AMPD2: variants seen among roughly 807,000 people sequenced by gnomAD.
AMPD2 encodes adenosine monophosphate deaminase 2.
In AMPD2, 52 loss-of-function variants were observed where a neutral mutation model predicts 91.3. The observed-to-expected ratio is 0.57, with a 90% CI of 0.46 to 0.72. The LOEUF is 0.72. Among genes scored for constraint, AMPD2 ranks in the 30% least tolerant of loss-of-function variants. The probability of loss-of-function intolerance (pLI) is 0.00; values close to 1 mark genes in which losing one functional copy is unlikely to be tolerated. For missense variants in AMPD2, 822 were observed against 1,122.3 expected (o/e 0.73, Z 3.82); for synonymous variants, 455 against 456.4 (o/e 1.00, Z 0.04).
Position 109,631,037 on chromosome 1 carries a change from A to G in AMPD2, c.2363A>G (p.Tyr788Cys). The change falls in exon 19 of 19, where the codon TAC (tyrosine) becomes TGC (cysteine). Residue 788 changes from tyrosine (Y) to cysteine (C), a missense_variant. This residue lies in a region of AMPD2 where 430 missense variants were observed against 606.0 expected (regional missense o/e 0.71). Coordinates refer to ENST00000528667, the MANE Select transcript of AMPD2 (RefSeq NM_001368809.2). ...AATGTGCCAGACATCCGCGTGGGCT[A>G]CCGCTACGAGACCCTGTGCCAGGAG... The part of the protein sequence containing the change: ...RTNVPDIRVG[Y>C]RYETLCQELA... 1 of 1,614,184 alleles carries G rather than the reference A, an allele frequency of 6.2e-7. No homozygotes were observed. Among genetic ancestry groups the G allele is most frequent in the Non-Finnish European group, 8.5e-7 (1 of 1,180,028 alleles).
chr1:109,628,973 C>G lies in AMPD2; in HGVS notation c.1572-136C>G. 5 of 1,445,666 alleles carry G rather than the reference C, an allele frequency of 3.5e-6. No individual in the cohort carries two copies. 89.6% of individuals were successfully genotyped at this position (1,445,666 alleles called of 1,614,324 possible). On this transcript the variant is annotated intron_variant, in intron 13 of 18. Transcript: ENST00000528667. This position sits in a 1 kb window ranked among gnomAD's most constrained non-coding sequence, Gnocchi z 7.1. ...CCATGGTCTGTCCAGCCTGGCCCAC[C>G]TGGGTATCCTTGCTTTCCCAATATG... is the stretch of plus-strand genomic sequence containing the variant.
Position 109,624,828 on chromosome 1 carries a change from C to T in AMPD2, c.92-475C>T, listed in dbSNP as rs543371439. 1.3e-5 allele frequency among the ~76,000 whole-genome samples: 2 copies of T among 152,212 alleles called. No individual in the cohort carries two copies. The highest frequency in any genetic ancestry group is 1.9e-4 in the East Asian group (1 of 5,162). Reference sequence around the variant, plus strand: ...AGTGGAGAATCTGCTAGTCCAGGGGCGGGTCTGATCCTGGGTTGCCTGCCC... The same window carrying T: ...AGTGGAGAATCTGCTAGTCCAGGGGTGGGTCTGATCCTGGGTTGCCTGCCC... On this transcript the variant is annotated intron_variant, in intron 2 of 18. Coordinates refer to ENST00000528667, the MANE Select transcript of AMPD2 (RefSeq NM_001368809.2). The surrounding 1 kb of genome is among the most constrained non-coding windows in gnomAD (Gnocchi z 5.2).
rs755818064 is a variant in AMPD2 at position 109,630,789 on chromosome 1, A to G, written c.2264A>G (p.His755Arg). The G allele has an allele frequency of 6.2e-7, 1 of 1,606,620 alleles. No individual in the cohort carries two copies. Residue 755 changes from histidine (H) to arginine (R), a missense_variant, in exon 18 of 19, where the codon CAC (histidine) becomes CGC (arginine). By Grantham distance (29) the His-to-Arg change is conservative. This residue lies in a region of AMPD2 where 430 missense variants were observed against 606.0 expected (regional missense o/e 0.71). Transcript: ENST00000528667. ...AGCGTGCTCATGAGCGGCTTCTCGC[A>G]CAAGGTACTACAGCGCCTGCCTGGA... ...RNSVLMSGFS[H>R]KVKSHWLGPN... is the part of the protein sequence containing the mutation.
chr1:109,631,560 GT>G lies in AMPD2; in HGVS notation c.*409del. 3.6e-6 allele frequency: 1 copy of G among 276,488 alleles called. No individual in the cohort carries two copies. The highest frequency in any genetic ancestry group is 7.1e-6 in the Non-Finnish European group (1 of 141,556). 17.1% of individuals were successfully genotyped at this position (276,488 alleles called of 1,614,324 possible). A position where few individuals can be genotyped will look rare whatever the true frequency, so the allele number is the denominator to read the frequency against. On this transcript the variant is annotated 3_prime_UTR_variant, in exon 19 of 19. Coordinates refer to ENST00000528667, the MANE Select transcript of AMPD2 (RefSeq NM_001368809.2). ...AAGTTTAGGCCCCTGTCTTGTTCATGTAGCCGAGGGGCAGGCGGGGGACCTC... is the reference window on the plus strand; with the variant it reads ...AAGTTTAGGCCCCTGTCTTGTTCATGAGCCGAGGGGCAGGCGGGGGACCTC...
rs751707359 is a variant in AMPD2 at position 109,630,355 on chromosome 1, C to G, written c.2106C>G (p.Gly702=). The part of the protein sequence containing the change: ...RNPLPEYLSR[G]LMVSLSTDDP... The stretch of plus-strand genomic sequence containing the variant: ...CGCTACCGGAGTACCTGTCCCGCGG[C>G]CTCATGGTCTCCCTGTCCACTGATG... Residue 702 remains glycine, a synonymous_variant, in exon 17 of 19, where the codon GGC becomes GGG. Coordinates refer to ENST00000528667, the MANE Select transcript of AMPD2 (RefSeq NM_001368809.2). The G allele has an allele frequency of 1.2e-6, 2 of 1,613,948 alleles. No homozygotes were observed. The highest frequency in any genetic ancestry group is 2.2e-5 in the South Asian group (2 of 91,074).
At chr1:109,630,449 C>T (rs763512928) in intron 17 of AMPD2, 43 bp downstream of exon 17, 14 of 796,488 alleles carry the variant, frequency 1.8e-5, no homozygotes, top group Non-Finnish European at 2.4e-5. Context: ...CGTCCCAGGA[C>T]GCTGGGGTCT....
intron 2 of AMPD2, 164 bp downstream of exon 2, chr1:109,621,430 G>GT: frequency 3.0e-6 from 2 of 661,944 alleles, no homozygotes; most frequent in Non-Finnish European, 5.4e-6. Flanking sequence ...AAGGTGGGGT[G>GT]AGGGGTGGTG....
chr1:109,623,765 G>GCCTGC (rs1650433291), intron 2 of AMPD2: 1 of 152,756 alleles, frequency 6.5e-6, no homozygotes, highest in Non-Finnish European at 1.5e-5. Context: ...CTCCCTGTCG[G>GCCTGC]CCTGCCCTGC....
At chr1:109,630,188 C>G (rs1308677347) in intron 16 of AMPD2, 45 bp from the exon 17 acceptor site, 1 of 1,602,576 alleles carries the variant, frequency 6.2e-7, no homozygotes, top group Non-Finnish European at 8.5e-7. Context: ...CCCTGCCCAG[C>G]CTCGGGGCCA....
chr1:109,625,539 T>G lies in AMPD2; in HGVS notation c.222+106T>G. 1 of 1,595,704 alleles carries G rather than the reference T, an allele frequency of 6.3e-7. No individual in the cohort carries two copies. Among genetic ancestry groups the G allele is most frequent in the Non-Finnish European group, 8.6e-7 (1 of 1,168,092 alleles). On this transcript the variant is annotated intron_variant, in intron 3 of 18. Coordinates refer to ENST00000528667, the MANE Select transcript of AMPD2 (RefSeq NM_001368809.2). The surrounding 1 kb of genome is among the most constrained non-coding windows in gnomAD (Gnocchi z 4.0). ...TCCCCTCACCTCACGCTTGGCTGTCTCCTGATCCTCAGCCTCTCCCAGGTA... is the reference window on the plus strand; with the variant it reads ...TCCCCTCACCTCACGCTTGGCTGTCGCCTGATCCTCAGCCTCTCCCAGGTA...
rs1423260274 is a variant in AMPD2, at chr1:109,626,862, C to T, written c.668C>T (p.Pro223Leu). 1 of 1,613,944 alleles carries T rather than the reference C, an allele frequency of 6.2e-7. No individual in the cohort carries two copies. Among genetic ancestry groups the T allele is most frequent in the Non-Finnish European group, 8.5e-7 (1 of 1,179,916 alleles). ...TACCTGCAGCAGCTGGCTGAAAAGCCTCTGGAGACCCGGACCTATGAACAG... is the reference window on the plus strand; with the variant it reads ...TACCTGCAGCAGCTGGCTGAAAAGCTTCTGGAGACCCGGACCTATGAACAG... ...RRYLQQLAEK[P>L]LETRTYEQGP... is the part of the protein sequence containing the mutation. The change falls in exon 7 of 19, where the codon CCT (proline) becomes CTT (leucine). Residue 223 changes from proline (P) to leucine (L), a missense_variant. Physicochemically the swap from Pro to Leu is moderately conservative, Grantham distance 98. Coordinates refer to ENST00000528667, the MANE Select transcript of AMPD2 (RefSeq NM_001368809.2).
intron 2 of AMPD2, among the ~76,000 whole-genome samples, chr1:109,622,839 C>T (rs1650372234): frequency 1.3e-5 from 2 of 152,074 alleles, no homozygotes; most frequent in South Asian, 4.2e-4. Flanking sequence ...TGTGGTCGGC[C>T]TCCCCTAGAA....
intron 2 of AMPD2, chr1:109,622,081 A>G (rs1650317653): frequency 2.5e-6 from 1 of 399,250 alleles, no homozygotes; most frequent in Admixed American, 2.7e-5. Context: ...GGAAAGACCC[A>G]CCCTGACTTT....
At chr1:109,621,414 GCTT>G in intron 2 of AMPD2, 148 bp downstream of exon 2, 1 of 566,734 alleles carries the variant, frequency 1.8e-6, no homozygotes, top group East Asian at 5.0e-5. Context: ...GGGACAGCCG[GCTT>G]GGAAGGTGGG....
rs564752964 is a variant in AMPD2 at position 109,629,706 on chromosome 1, G to A, written c.1863-90G>A. On this transcript the variant is annotated intron_variant, in intron 15 of 18. Transcript: ENST00000528667. ...CAGGCCTGCATAGTTATTGGCTGGA[G>A]GACATATGCGTGCTGGGTGGGGGTC... 2.0e-5 allele frequency: 30 copies of A among 1,488,650 alleles called. No homozygotes were observed. In the East Asian group the frequency reaches 3.8e-4, roughly 19 times the overall value. The allele number at this position is 1,488,650 out of a possible 1,614,324, so 92.2% of individuals were successfully genotyped here. A position where few individuals can be genotyped will look rare whatever the true frequency, so the allele number is the denominator to read the frequency against.
At chr1:109,623,581 G>A (rs1024341185) in intron 2 of AMPD2, among the ~76,000 whole-genome samples, 4 of 152,176 alleles carry the variant, frequency 2.6e-5, no homozygotes, top group African/African-American at 9.7e-5. Flanking sequence ...CCATAATCAG[G>A]GCCCAGAGGA....
At chr1:109,627,987 C>T (rs1402904684) in intron 10 of AMPD2, 84 bp downstream of exon 10, 13 of 1,603,668 alleles carry the variant, frequency 8.1e-6, no homozygotes, top group Non-Finnish European at 1.1e-5. Flanking sequence ...GCCCCCCACA[C>T]AGCATCCAGT....
chr1:109,631,420 C>A lies in AMPD2; in HGVS notation c.*268C>A, dbSNP rs1208802899. The A allele has an allele frequency of 1.8e-6, 1 of 545,176 alleles. No homozygotes were observed. The highest frequency in any genetic ancestry group is 3.2e-5 in the East Asian group (1 of 30,950). 33.8% of individuals were successfully genotyped at this position (545,176 alleles called of 1,614,324 possible). On this transcript the variant is annotated 3_prime_UTR_variant, in exon 19 of 19. Coordinates refer to ENST00000528667, the MANE Select transcript of AMPD2 (RefSeq NM_001368809.2). ...GCCCTGTCCTGGGATCCTCAGAAGC[C>A]TGACTGTCCTATGGGCTTCTCCAGT... is the stretch of plus-strand genomic sequence containing the variant.
chr1:109,620,599 C>A, intron 1 of AMPD2: 1 of 1,230,992 alleles, frequency 8.1e-7, no homozygotes, highest in Non-Finnish European at 1.0e-6. Flanking sequence ...GTTCTTCCCC[C>A]TCCTCCCAGA....
Sources: gnomAD v4.1 joint callset for allele counts (sites outside exome capture counted in the v4.1 genomes callset) on GRCh38, gnomAD v4.1.1 for gene constraint, gnomAD v4.1.1 regional missense constraint, Gnocchi (gnomAD v3.1) non-coding constraint, MANE v1.5 for transcripts, NCBI Gene and HGNC (gene_info 2026-07-23, HGNC 2026-07-21) for gene names.